The following GLRA3 variants were observed in gnomAD, a reference collection of about 807,000 sequenced individuals.
The protein encoded by GLRA3 is glycine receptor alpha 3.
GLRA3 carries 44 observed loss-of-function variants against 60.4 expected under a neutral mutation model. That is an observed-to-expected ratio of 0.73 (90% CI 0.57 to 0.94). The LOEUF is 0.94. Ranked by LOEUF, GLRA3 falls within the 40% of genes least tolerant of loss-of-function variation. GLRA3 has a pLI of 0.00. For missense variants in GLRA3, 508 were observed against 564.6 expected, an observed-to-expected ratio of 0.90 and a Z score of 1.02; for synonymous variants, 223 against 192.9, an observed-to-expected ratio of 1.16 and a Z score of -1.29.
At chr4:174,644,873 TTAA>T (rs1277170974) in intron 9 of GLRA3, among the ~76,000 whole-genome samples, 3 of 151,856 alleles carry the variant, frequency 2.0e-5, no homozygotes, top group African/African-American at 7.3e-5. Flanking sequence ...AAAAAATTAT[TTAA>T]TAATATATGA....
chr4:174,724,862 G>A (rs1255006173), intron 4 of GLRA3, among the ~76,000 whole-genome samples: 1 of 152,142 alleles, frequency 6.6e-6, no homozygotes, highest in Non-Finnish European at 1.5e-5. Flanking sequence ...TGGCTTCAGT[G>A]ACGTCTAGAA....
intron 3 of GLRA3, among the ~76,000 whole-genome samples, chr4:174,745,994 A>G (rs780273896): frequency 1.3e-5 from 2 of 152,160 alleles, no homozygotes; most frequent in Non-Finnish European, 2.9e-5. Flanking sequence ...AGAAAAAATA[A>G]CAGATGCTGG....
intron 1 of GLRA3, among the ~76,000 whole-genome samples, chr4:174,817,719 G>A (rs1040757322): frequency 2.0e-5 from 3 of 152,106 alleles, no homozygotes; most frequent in Non-Finnish European, 4.4e-5. Context: ...CAATTCTCCT[G>A]CCTCAGCCTC....
At chr4:174,766,901 T>C in intron 3 of GLRA3, 62 bp downstream of exon 3, 1 of 782,568 alleles carries the variant, frequency 1.3e-6, no homozygotes, top group Non-Finnish European at 2.2e-6. Flanking sequence ...ACATAAAATG[T>C]TGCCATTAAT....
intron 2 of GLRA3, among the ~76,000 whole-genome samples, chr4:174,774,070 G>T (rs1738498018): frequency 6.6e-6 from 1 of 151,568 alleles, no homozygotes; most frequent in African/African-American, 2.4e-5. Flanking sequence ...GTCTGAACAG[G>T]CATCTACACA....
intron 3 of GLRA3, among the ~76,000 whole-genome samples, chr4:174,729,752 C>T (rs1736482556): frequency 6.6e-6 from 1 of 152,092 alleles, no homozygotes; most frequent in Non-Finnish European, 1.5e-5. Flanking sequence ...TTAAAGCAAA[C>T]ATTATAAGAC....
At chr4:174,787,936 C>T (rs961485687) in intron 2 of GLRA3, among the ~76,000 whole-genome samples, 1 of 151,940 alleles carries the variant, frequency 6.6e-6, no homozygotes, top group African/African-American at 2.4e-5. Context: ...GTTATTTCAC[C>T]CACTGCTAAG....
In GLRA3 at chr4:174,640,902, G is replaced by A. The variant is rs1267805061; in HGVS notation, c.*2884C>T. 6.6e-6 allele frequency: 1 copy of A among 151,996 alleles called. No individual in the cohort carries two copies. Among genetic ancestry groups the A allele is most frequent in the Non-Finnish European group, 1.5e-5 (1 of 67,956 alleles). 9.4% of individuals were successfully genotyped at this position (151,996 alleles called of 1,614,324 possible). ...CCATGGAGAAACTTTTGGAAGGGTT[G>A]GAGAAGTTTTAAACACCCTCAGCTT... On this transcript the variant is annotated 3_prime_UTR_variant, in exon 10 of 10. Coordinates refer to ENST00000274093, the MANE Select transcript of GLRA3 (RefSeq NM_006529.4).
At position 174,656,805 on chromosome 4, in the gene GLRA3, G is replaced by A. The variant is rs753846415; in HGVS notation, c.1072-18C>T. 1 of 1,493,900 alleles carries A rather than the reference G, an allele frequency of 6.7e-7. No homozygotes were observed. Among genetic ancestry groups the A allele is most frequent in the Non-Finnish European group, 9.3e-7 (1 of 1,071,146 alleles). The allele number at this position is 1,493,900 out of a possible 1,614,324, so 92.5% of individuals were successfully genotyped here. A position where few individuals can be genotyped will look rare whatever the true frequency, so the allele number is the denominator to read the frequency against. On this transcript the variant is annotated intron_variant, in intron 8 of 9. Coordinates refer to ENST00000274093, the MANE Select transcript of GLRA3 (RefSeq NM_006529.4). ...GCTTCTGTCTGTGGGAAGGTAAAGT[G>A]GACCAAGAGGAATTGAGAAACCAGA...
At chr4:174,774,393 C>A (rs1031077193) in intron 2 of GLRA3, among the ~76,000 whole-genome samples, 2 of 150,992 alleles carry the variant, frequency 1.3e-5, no homozygotes, top group South Asian at 4.2e-4. Flanking sequence ...TGTGTGTGTG[C>A]ATGCATATGT....
chr4:174,748,471 C>T (rs1021938338), intron 3 of GLRA3, among the ~76,000 whole-genome samples: 2 of 151,986 alleles, frequency 1.3e-5, no homozygotes, highest in Admixed American at 1.3e-4. Flanking sequence ...GGAAAGCTTT[C>T]ATTTTAGGAG....
At chr4:174,703,678 G>A (rs1370434097) in intron 5 of GLRA3, among the ~76,000 whole-genome samples, 1 of 152,146 alleles carries the variant, frequency 6.6e-6, no homozygotes, top group Non-Finnish European at 1.5e-5. Flanking sequence ...GAATCCTAGA[G>A]TTGAGATGAC....
chr4:174,724,050 G>T (rs1386370867), intron 4 of GLRA3, among the ~76,000 whole-genome samples: 5 of 52,338 alleles, frequency 9.6e-5, no homozygotes, highest in Middle Eastern at 0.01. Flanking sequence ...ATATATATTT[G>T]TGTGTGTGTG....
intron 6 of GLRA3, among the ~76,000 whole-genome samples, chr4:174,677,781 G>C (rs1392515492): frequency 2.0e-5 from 3 of 152,190 alleles, no homozygotes; most frequent in Non-Finnish European, 2.9e-5. Flanking sequence ...GTAGTAAAGA[G>C]AGCGTACTCT....
At chr4:174,721,408 T>A (rs960750262) in intron 4 of GLRA3, among the ~76,000 whole-genome samples, 2 of 151,932 alleles carry the variant, frequency 1.3e-5, no homozygotes, top group African/African-American at 4.8e-5. Flanking sequence ...TTAAGCTTGG[T>A]AGTTTGTTAT....
chr4:174,728,415 C>T (rs953838180), intron 4 of GLRA3, 60 bp downstream of exon 4: 6 of 944,964 alleles, frequency 6.3e-6, no homozygotes, highest in African/African-American at 3.3e-5. Context: ...AACAAACCAA[C>T]CAACAATACA....
At chr4:174,793,992 G>A (rs1396915140) in intron 1 of GLRA3, among the ~76,000 whole-genome samples, 2 of 151,812 alleles carry the variant, frequency 1.3e-5, no homozygotes, top group African/African-American at 4.8e-5. Context: ...TATTTATCTA[G>A]GCAGACCAAT....
At chr4:174,827,128 A>G (rs1031731401) in intron 1 of GLRA3, among the ~76,000 whole-genome samples, 3 of 151,960 alleles carry the variant, frequency 2.0e-5, no homozygotes, top group African/African-American at 7.2e-5. Context: ...GGCTTCTCAT[A>G]AAATTTATTT....
chr4:174,717,867 A>G (rs775498554), intron 4 of GLRA3, among the ~76,000 whole-genome samples: 1 of 152,208 alleles, frequency 6.6e-6, no homozygotes, highest in Non-Finnish European at 1.5e-5. Context: ...CCAAATATCC[A>G]AGGCTCTCAG....
Sources: allele counts gnomAD v4.1 joint callset (sites outside exome capture counted in the v4.1 genomes callset), GRCh38; gene constraint gnomAD v4.1.1; transcripts MANE v1.5; gene names NCBI Gene and HGNC (gene_info 2026-07-23, HGNC 2026-07-21).